Variants in P2RY10 observed in about 807,000 individuals in gnomAD.
P2RY10 encodes putative P2Y purinoceptor 10.
Under a neutral mutation model 12.1 loss-of-function variants are expected in P2RY10, and 4 were observed. The ratio of observed to expected loss-of-function variants is 0.33; its 90% CI spans 0.16 to 0.76. The LOEUF (loss-of-function observed/expected upper bound fraction) is 0.76. Ranked by LOEUF, P2RY10 falls within the 30% of genes least tolerant of loss-of-function variation. P2RY10 has a pLI of 0.61. For missense variants in P2RY10, 233 were observed against 264.6 expected, an observed-to-expected ratio of 0.88 and a Z score of 0.83; for synonymous variants, 112 against 94.1, an observed-to-expected ratio of 1.19 and a Z score of -1.10.
chrX:78,950,328 G>T (rs374894001), intron 2 of P2RY10, among the ~76,000 whole-genome samples: 12 of 111,131 alleles, frequency 1.1e-4, no homozygotes, highest in South Asian at 3.8e-4. Context: ...GGAGTTAAAG[G>T]TCATCTAGTT....
chrX:78,947,139 C>A (rs369057880), intron 1 of P2RY10, among the ~76,000 whole-genome samples: 41 of 109,942 alleles, frequency 3.7e-4, no homozygotes, highest in African/African-American at 1.4e-3. Context: ...CGCTCGAAAC[C>A]GAGAGATGGA....
At chrX:78,960,137 G>A (rs1922536090) in intron 3 of P2RY10, among the ~76,000 whole-genome samples, 1 of 112,257 alleles carries the variant, frequency 8.9e-6, no homozygotes, top group Admixed American at 9.4e-5. Context: ...GGAGTGAGCA[G>A]TATTTATTCT....
intron 2 of P2RY10, among the ~76,000 whole-genome samples, chrX:78,950,965 G>T (rs912516096): frequency 1.8e-5 from 2 of 111,860 alleles, no homozygotes; most frequent in Non-Finnish European, 1.9e-5. Flanking sequence ...GAGGTAACGT[G>T]AATAGCACTT....
chrX:78,956,117 C>A (rs1404835385), intron 3 of P2RY10, among the ~76,000 whole-genome samples: 1 of 111,813 alleles, frequency 8.9e-6, no homozygotes, highest in Non-Finnish European at 1.9e-5. Context: ...GAAAGCAAAT[C>A]ATGAAGCTGT....
At position 78,961,050 on chromosome X, in the gene P2RY10, A is replaced by G. The variant is rs372880087; in HGVS notation, c.530A>G (p.Asn177Ser). Reference sequence around the variant, plus strand: ...ATCCTGAGAAGCACAGACTTAAACAACAACAAGTCCTGCTTTGCTGATCTT... The same window carrying G: ...ATCCTGAGAAGCACAGACTTAAACAGCAACAAGTCCTGCTTTGCTGATCTT... ...FPILRSTDLN[N>S]NKSCFADLGY... is the part of the protein sequence containing the mutation. Residue 177 changes from asparagine (N) to serine (S), a missense_variant, in exon 4 of 4, where the codon AAC (asparagine) becomes AGC (serine). Coordinates refer to ENST00000171757, the MANE Select transcript of P2RY10 (RefSeq NM_014499.4). 2.0e-5 allele frequency: 24 copies of G among 1,209,838 alleles called. No homozygotes were observed. The highest frequency in any genetic ancestry group is 2.6e-5 in the Non-Finnish European group (23 of 895,080).
rs949904540 is a variant in P2RY10, at chrX:78,945,401, T to C, written c.-300T>C. The C allele has an allele frequency of 4.5e-5, 5 of 112,034 alleles. No homozygotes were observed. The highest frequency in any genetic ancestry group is 9.4e-5 in the Non-Finnish European group (5 of 53,190). 9.2% of individuals were successfully genotyped at this position (112,034 alleles called of 1,213,427 possible). A position where few individuals can be genotyped will look rare whatever the true frequency, so the allele number is the denominator to read the frequency against. On this transcript the variant is annotated 5_prime_UTR_variant, in exon 1 of 4. Transcript: ENST00000171757. ...ACTTCCTCTTTCAACAACAAATGTG[T>C]CAGTTATCAGCAGGATCCATGCCGC...
intron 2 of P2RY10, among the ~76,000 whole-genome samples, chrX:78,950,539 A>G (rs752801253): frequency 4.5e-5 from 5 of 111,663 alleles, no homozygotes; most frequent in Admixed American, 3.8e-4. Flanking sequence ...CTCCTGTTGT[A>G]AAGAAATTGT....
At chrX:78,955,677 C>A (rs1922303850) in intron 3 of P2RY10, among the ~76,000 whole-genome samples, 1 of 112,366 alleles carries the variant, frequency 8.9e-6, no homozygotes, top group Admixed American at 9.4e-5. Context: ...CATGGAGATT[C>A]TTTGCAAATG....
At chrX:78,959,586 T>A (rs1922508526) in intron 3 of P2RY10, among the ~76,000 whole-genome samples, 1 of 112,045 alleles carries the variant, frequency 8.9e-6, no homozygotes, top group South Asian at 3.7e-4. Flanking sequence ...CTCTTCATAA[T>A]GATTACTTTA....
Position 78,947,866 on chromosome X carries a change from A to G in P2RY10, c.-157+3A>G. 4.4e-6 allele frequency: 3 copies of G among 683,853 alleles called. No homozygotes were observed. The highest frequency in any genetic ancestry group is 5.2e-6 in the Non-Finnish European group (3 of 574,729). 56.4% of individuals were successfully genotyped at this position (683,853 alleles called of 1,213,427 possible). ...TTTAGACCACAGGCAAATGCTTTGT[A>G]AGTAATTTCCCTTTTTTAAAAATGA... On this transcript the variant is annotated splice_donor_region_variant and intron_variant, in intron 2 of 3. Coordinates refer to ENST00000171757, the MANE Select transcript of P2RY10 (RefSeq NM_014499.4).
intron 2 of P2RY10, 69 bp from the exon 3 acceptor site, chrX:78,952,124 G>C: frequency 2.0e-6 from 1 of 492,763 alleles, no homozygotes; most frequent in Non-Finnish European, 2.5e-6. Flanking sequence ...ATAGTATTTA[G>C]AGACACACTT....
intron 2 of P2RY10, among the ~76,000 whole-genome samples, chrX:78,948,319 T>C (rs758311339): frequency 2.7e-5 from 3 of 112,184 alleles, no homozygotes; most frequent in African/African-American, 6.5e-5. Flanking sequence ...TAGGGGATTT[T>C]CTAAATCCAG....
At position 78,960,529 on chromosome X, in the gene P2RY10, C is replaced by A; in HGVS notation, c.9C>A (p.Asn3Lys). MA[N>K]LDKYTETFKM... Reference sequence around the variant, plus strand: ...GCAGGAACCATAAATCCATGGCTAACCTTGACAAATACACTGAAACATTCA... The same window carrying A: ...GCAGGAACCATAAATCCATGGCTAAACTTGACAAATACACTGAAACATTCA... Residue 3 changes from asparagine (N) to lysine (K), a missense_variant, in exon 4 of 4, where the codon AAC becomes AAA. Physicochemically the swap from Asn to Lys is moderately conservative, Grantham distance 94 (BLOSUM62 0). Transcript: ENST00000171757. 3 of 1,206,679 alleles carry A rather than the reference C, an allele frequency of 2.5e-6. No homozygotes were observed. The highest frequency in any genetic ancestry group is 1.7e-5 in the African/African-American group (1 of 57,741).
chrX:78,960,672 C>G lies in P2RY10; in HGVS notation c.152C>G (p.Ala51Gly), dbSNP rs746056108. The change falls in exon 4 of 4, where the codon GCT becomes GGT. Residue 51 changes from alanine (A) to glycine (G), a missense_variant. Coordinates refer to ENST00000171757, the MANE Select transcript of P2RY10 (RefSeq NM_014499.4). The part of the protein sequence containing the change: ...YILIFIPGLL[A>G]NSAALWVLCR... Reference sequence around the variant, plus strand: ...CTCATATTCATTCCTGGTCTTCTGGCTAACAGTGCAGCCTTGTGGGTTCTG... The same window carrying G: ...CTCATATTCATTCCTGGTCTTCTGGGTAACAGTGCAGCCTTGTGGGTTCTG... 4.1e-6 allele frequency: 5 copies of G among 1,211,421 alleles called. No homozygotes were observed. The highest frequency in any genetic ancestry group is 5.6e-6 in the Non-Finnish European group (5 of 895,209).
At chrX:78,959,943 G>T (rs765518740) in intron 3 of P2RY10, among the ~76,000 whole-genome samples, 2 of 111,802 alleles carry the variant, frequency 1.8e-5, no homozygotes, top group Non-Finnish European at 3.8e-5. Context: ...ATAGAATAAT[G>T]AGGCCACATT....
In P2RY10 at chrX:78,962,935, C is replaced by A. The variant is rs1016812607; in HGVS notation, c.*1395C>A. On this transcript the variant is annotated 3_prime_UTR_variant, in exon 4 of 4. Coordinates refer to ENST00000171757, the MANE Select transcript of P2RY10 (RefSeq NM_014499.4). ...AGAAGATTTCTGTGAGCGTAATTGA[C>A]AATATCTGCATTAGAAACAGAAAGT... 3.6e-4 allele frequency among the ~76,000 whole-genome samples: 40 copies of A among 112,088 alleles called. No individual in the cohort carries two copies. Among genetic ancestry groups the A allele is most frequent in the Admixed American group, 1.9e-4 (2 of 10,565 alleles).
At chrX:78,953,411 G>A (rs1383635868) in intron 3 of P2RY10, among the ~76,000 whole-genome samples, 1 of 112,018 alleles carries the variant, frequency 8.9e-6, no homozygotes, top group Non-Finnish European at 1.9e-5. Flanking sequence ...GAATTGATGA[G>A]GGTTGGCAGA....
At chrX:78,959,046 CAAA>C (rs5902773) in intron 3 of P2RY10, among the ~76,000 whole-genome samples, 1 of 105,267 alleles carries the variant, frequency 9.5e-6, no homozygotes, top group African/African-American at 3.4e-5. Flanking sequence ...TTAAACAAAA[CAAA>C]AAAAAAAACA....
intron 3 of P2RY10, among the ~76,000 whole-genome samples, chrX:78,956,500 T>C (rs1922339768): frequency 1.8e-5 from 2 of 111,290 alleles, no homozygotes; most frequent in Non-Finnish European, 3.8e-5. Flanking sequence ...AGGTCCTGGC[T>C]ATATGGTGAT....
Sources: allele counts gnomAD v4.1 joint callset (sites outside exome capture counted in the v4.1 genomes callset), GRCh38; gene constraint gnomAD v4.1.1; transcripts MANE v1.5; gene names NCBI Gene and HGNC (gene_info 2026-07-23, HGNC 2026-07-21).